RNLS: variants seen among roughly 807,000 people sequenced by gnomAD.
RNLS encodes the protein renalase.
In RNLS, 39 loss-of-function variants were observed where a neutral mutation model predicts 39.8. That is an observed-to-expected ratio of 0.98 (90% CI 0.76 to 1.28). The LOEUF (loss-of-function observed/expected upper bound fraction) is 1.28, where lower values mean the gene tolerates loss of function less well. RNLS is among the 50% of genes most tolerant of loss of function. RNLS has a pLI of 0.00. For synonymous variants in RNLS, 147 were observed against 150.7 expected (o/e 0.98, Z 0.18); for missense variants, 410 against 413.3 (o/e 0.99, Z 0.07).
chr10:88,207,170 C>T, the RNLS span, among the ~76,000 whole-genome samples: 223 of 151,980 alleles, frequency 1.5e-3, 2 homozygotes, highest in South Asian at 7.0e-3. Context: ...GAAAGAGAAA[C>T]GAAGATAAGT....
intron 4 of RNLS, among the ~76,000 whole-genome samples, chr10:88,485,409 A>T (rs1844431760): frequency 6.6e-6 from 1 of 151,918 alleles, no homozygotes; most frequent in Non-Finnish European, 1.5e-5. Flanking sequence ...CCATATAAAA[A>T]TATGAACTTT....
chr10:88,336,195 A>G (rs1847481397), intron 5 of RNLS, among the ~76,000 whole-genome samples: 1 of 152,210 alleles, frequency 6.6e-6, no homozygotes, highest in South Asian at 2.1e-4. Context: ...TGAGGTGGAA[A>G]TACTAGCTTT....
At chr10:88,448,204 C>T (rs536231870) in intron 4 of RNLS, among the ~76,000 whole-genome samples, 1 of 152,248 alleles carries the variant, frequency 6.6e-6, no homozygotes, top group African/African-American at 2.4e-5. Context: ...AAGAAACTAC[C>T]ATCAGAGTGA....
the RNLS span, among the ~76,000 whole-genome samples, chr10:88,190,565 G>T: frequency 6.6e-6 from 1 of 152,190 alleles, no homozygotes. Flanking sequence ...TAATAAAATG[G>T]AATGTCTTTA....
chr10:88,310,801 C>CAAAAAAAAAAAAAAAAAAAAAAAAAAAA lies in RNLS; in HGVS notation c.876+3664_876+3665insTTTTTTTTTTTTTTTTTTTTTTTTTTTT, dbSNP rs577838661. On this transcript the variant is annotated intron_variant, in intron 6 of 6. Transcript: ENST00000331772. ...TGACAGATTTAGAGCCTACCTCTGC[C>CAAAAAAAAAAAAAAAAAAAAAAAAAAAA]AAAAAAAAAAAAAAAAAAAAAAAAA... Among the ~76,000 whole-genome samples the CAAAAAAAAAAAAAAAAAAAAAAAAAAAA allele has an allele frequency of 1.0e-3, 20 of 19,594 alleles. 1 individual carries two copies. Among genetic ancestry groups the CAAAAAAAAAAAAAAAAAAAAAAAAAAAA allele is most frequent in the African/African-American group, 1.4e-3 (7 of 5,016 alleles). 12.9% of individuals were successfully genotyped at this position (19,594 alleles called of 152,430 possible).
intron 4 of RNLS, among the ~76,000 whole-genome samples, chr10:88,380,175 T>A (rs1851335873): frequency 6.6e-6 from 1 of 152,192 alleles, no homozygotes; most frequent in South Asian, 2.1e-4. Context: ...TTCTGTGTAC[T>A]GTCTATTCAC....
chr10:88,227,459 A>C, the RNLS span, among the ~76,000 whole-genome samples: 2 of 152,196 alleles, frequency 1.3e-5, no homozygotes, highest in African/African-American at 2.4e-5. Context: ...CAGCATCCTC[A>C]GCTAATGTCA....
intron 4 of RNLS, among the ~76,000 whole-genome samples, chr10:88,372,189 A>C (rs1850610940): frequency 6.6e-6 from 1 of 152,098 alleles, no homozygotes; most frequent in African/African-American, 2.4e-5. Flanking sequence ...CAGCATTGTA[A>C]AGGCTCAAAC....
chr10:88,403,902 G>A (rs769342953), intron 4 of RNLS, among the ~76,000 whole-genome samples: 1 of 151,884 alleles, frequency 6.6e-6, no homozygotes, highest in Non-Finnish European at 1.5e-5. Context: ...AATTAGTTGT[G>A]TGTGGTGGTG....
At chr10:88,508,351 A>C (rs1354562588) in intron 4 of RNLS, among the ~76,000 whole-genome samples, 1 of 152,210 alleles carries the variant, frequency 6.6e-6, no homozygotes. Context: ...TTATTTCCTC[A>C]TCTGTAAGAC....
At chr10:88,523,884 TACC>T (rs1313273743) in intron 4 of RNLS, among the ~76,000 whole-genome samples, 5 of 152,132 alleles carry the variant, frequency 3.3e-5, no homozygotes, top group Non-Finnish European at 7.4e-5. Flanking sequence ...GGCAGGTCCA[TACC>T]TCTGCCGACC....
At chr10:88,493,445 A>G (rs1844997018) in intron 4 of RNLS, among the ~76,000 whole-genome samples, 1 of 152,108 alleles carries the variant, frequency 6.6e-6, no homozygotes, top group Admixed American at 6.6e-5. Flanking sequence ...CTATTGGTTA[A>G]TGAATAGCTA....
chr10:88,346,342 A>G (rs965222963), intron 5 of RNLS, among the ~76,000 whole-genome samples: 2 of 152,150 alleles, frequency 1.3e-5, no homozygotes, highest in African/African-American at 4.8e-5. Flanking sequence ...AACTGTTGCT[A>G]AGAATACTTG....
At chr10:88,289,639 C>T (rs1311355118) in intron 6 of RNLS, among the ~76,000 whole-genome samples, 2 of 152,154 alleles carry the variant, frequency 1.3e-5, no homozygotes, top group African/African-American at 4.8e-5. Context: ...GGGACTCTGA[C>T]TCACTGATCT....
At chr10:88,523,407 T>C (rs1201565515) in intron 4 of RNLS, among the ~76,000 whole-genome samples, 1 of 152,154 alleles carries the variant, frequency 6.6e-6, no homozygotes, top group Non-Finnish European at 1.5e-5. Flanking sequence ...ATATGTTACA[T>C]ACTTTCTGAA....
chr10:88,573,086 C>T, intron 3 of RNLS, 25 bp from the exon 4 acceptor site: 2 of 1,608,736 alleles, frequency 1.2e-6, no homozygotes, highest in Non-Finnish European at 1.7e-6. Context: ...AAATCATGTC[C>T]CCATTATCAG....
intron 5 of RNLS, among the ~76,000 whole-genome samples, chr10:88,351,369 C>G (rs1293952667): frequency 2.6e-5 from 4 of 152,148 alleles, no homozygotes; most frequent in Non-Finnish European, 5.9e-5. Context: ...TTAGGTCTAA[C>G]ATTTAAGTCT....
the RNLS span, among the ~76,000 whole-genome samples, chr10:88,214,097 C>T: frequency 6.6e-6 from 1 of 152,072 alleles, no homozygotes; most frequent in African/African-American, 2.4e-5. Flanking sequence ...GTTTCATGGG[C>T]AGTAGTTGTA....
intron 4 of RNLS, among the ~76,000 whole-genome samples, chr10:88,432,014 ATCT>A (rs1458620566): frequency 6.6e-6 from 1 of 151,716 alleles, no homozygotes; most frequent in African/African-American, 2.4e-5. Flanking sequence ...ATGATTTTAT[ATCT>A]TCTTGTTCTA....
Sources: allele counts gnomAD v4.1 joint callset (sites outside exome capture counted in the v4.1 genomes callset), GRCh38; gene constraint gnomAD v4.1.1; transcripts MANE v1.5; gene names NCBI Gene and HGNC (gene_info 2026-07-23, HGNC 2026-07-21).